SIX4: variants seen among roughly 807,000 people sequenced by gnomAD.
SIX4 encodes SIX homeobox 4, also known as homeobox protein SIX4.
A neutral mutation model predicts 51.5 loss-of-function variants in SIX4; 23 were observed. The ratio of observed to expected loss-of-function variants is 0.45; its 90% CI spans 0.32 to 0.63. The LOEUF (loss-of-function observed/expected upper bound fraction) is 0.63, where lower values mean the gene tolerates loss of function less well. Ranked by LOEUF, SIX4 falls within the 30% of genes least tolerant of loss-of-function variation. The probability of loss-of-function intolerance (pLI) is 0.04; values close to 1 mark genes in which losing one functional copy is unlikely to be tolerated. For synonymous variants in SIX4, 413 were observed against 417.3 expected, an observed-to-expected ratio of 0.99 and a Z score of 0.13; for missense variants, 867 against 984.0, an observed-to-expected ratio of 0.88 and a Z score of 1.59.
Position 60,724,091 on chromosome 14 carries a change from T to G in SIX4, c.-17A>C, listed in dbSNP as rs1555370398. 6.4e-7 allele frequency: 1 copy of G among 1,559,778 alleles called. No individual in the cohort carries two copies. Among genetic ancestry groups the G allele is most frequent in the Non-Finnish European group, 8.7e-7 (1 of 1,151,622 alleles). ...AGAGGACATTTTTTGTTGTTTATTT[T>G]CCTCCCTCCCTCACTCCCTCGCACT... On this transcript the variant is annotated 5_prime_UTR_variant, in exon 1 of 3. Coordinates refer to ENST00000216513, the MANE Select transcript of SIX4 (RefSeq NM_017420.5).
At position 60,714,175 on chromosome 14, in the gene SIX4, T is replaced by G; in HGVS notation, c.1578A>C (p.Ser526=). Residue 526 remains serine, a synonymous_variant, in exon 3 of 3, where the codon TCA becomes TCC. Coordinates refer to ENST00000216513, the MANE Select transcript of SIX4 (RefSeq NM_017420.5). The stretch of plus-strand genomic sequence containing the variant: ...ACTCACTTGTAAATGTGCTTCCATC[T>G]GAAGTGCTTGAGCTTACTGAGATAT... ...QGNISVSSST[S]DGSTFTSEST... The G allele has an allele frequency of 1.2e-6, 2 of 1,604,222 alleles. No individual in the cohort carries two copies. Among genetic ancestry groups the G allele is most frequent in the Non-Finnish European group, 1.7e-6 (2 of 1,177,964 alleles).
In SIX4 at chr14:60,722,901, C is replaced by T; in HGVS notation, c.863+311G>A. 2.8e-6 allele frequency: 1 copy of T among 356,478 alleles called. No homozygotes were observed. The highest frequency in any genetic ancestry group is 4.9e-6 in the Non-Finnish European group (1 of 203,632). The allele number at this position is 356,478 out of a possible 1,614,324, so 22.1% of individuals were successfully genotyped here. A position where few individuals can be genotyped will look rare whatever the true frequency, so the allele number is the denominator to read the frequency against. On this transcript the variant is annotated intron_variant, in intron 1 of 2. Transcript: ENST00000216513. This position sits in a 1 kb window ranked among gnomAD's most constrained non-coding sequence, Gnocchi z 5.9. ...GGGGAGAGGGTGGCAACTTCAAAGC[C>T]AGCGGGATGGGGGTGGGAAGCTGGG...
chr14:60,719,442 TGA>T lies in SIX4; in HGVS notation c.1549+316_1549+317del, dbSNP rs1361198681. On this transcript the variant is annotated intron_variant, in intron 2 of 2. Transcript: ENST00000216513. This position sits in a 1 kb window ranked among gnomAD's most constrained non-coding sequence, Gnocchi z 4.9. ...TTTTTAATATTAAAATGCCAAGCAG[TGA>T]GTTATTTTGTAAGCACTGATTGACT... is the stretch of plus-strand genomic sequence containing the variant. 1.3e-5 allele frequency among the ~76,000 whole-genome samples: 2 copies of T among 152,220 alleles called. No homozygotes were observed. The highest frequency in any genetic ancestry group is 2.9e-5 in the Non-Finnish European group (2 of 68,040).
At chr14:60,714,276 T>C (rs1895878625) in intron 2 of SIX4, 73 bp from the exon 3 acceptor site, 2 of 1,321,902 alleles carry the variant, frequency 1.5e-6, no homozygotes, top group Non-Finnish European at 2.0e-6. Context: ...CACACGTTTT[T>C]TTCTCAGGTA....
chr14:60,719,640 T>G lies in SIX4; in HGVS notation c.1549+120A>C. ...ATCACATCAAGGCTACTCTACAGCT[T>G]CGGCAGCTAATAAGGTACCTGAACA... On this transcript the variant is annotated intron_variant, in intron 2 of 2. Transcript: ENST00000216513. This position sits in a 1 kb window ranked among gnomAD's most constrained non-coding sequence, Gnocchi z 4.9. 5.1e-6 allele frequency: 5 copies of G among 982,492 alleles called. No homozygotes were observed. The South Asian group carries it at 8.3e-5, about 16-fold the overall frequency. 60.9% of individuals were successfully genotyped at this position (982,492 alleles called of 1,614,324 possible).
In SIX4 at chr14:60,717,756, A is replaced by G. The variant is rs1471064083; in HGVS notation, c.1549+2004T>C. Among the ~76,000 whole-genome samples the G allele has an allele frequency of 1.3e-5, 2 of 152,200 alleles. No homozygotes were observed. Among genetic ancestry groups the G allele is most frequent in the Admixed American group, 1.3e-4 (2 of 15,276 alleles). ...AAAATCAGGCCAGGCGCTGTGGCTC[A>G]TGCCTGTAATCCCAGCACTTTGGGA... On this transcript the variant is annotated intron_variant, in intron 2 of 2. Transcript: ENST00000216513. The surrounding 1 kb of genome is among the most constrained non-coding windows in gnomAD (Gnocchi z 4.6).
rs1259241156 is a variant in SIX4 at position 60,720,084 on chromosome 14, C to A, written c.1225G>T (p.Asp409Tyr). Residue 409 changes from aspartate (D) to tyrosine (Y), a missense_variant, in exon 2 of 3, where the codon GAC (aspartate) becomes TAC (tyrosine). Coordinates refer to ENST00000216513, the MANE Select transcript of SIX4 (RefSeq NM_017420.5). This position sits in a 1 kb window ranked among gnomAD's most constrained non-coding sequence, Gnocchi z 5.5. ...NIVSNGISMT[D>Y]ILGSTSQDVK... ...TCCTGGGAAGTAGACCCCAGTATGT[C>A]AGTCATGGATATACCATTGCTCACA... The A allele has an allele frequency of 6.2e-7, 1 of 1,614,198 alleles. No homozygotes were observed. Among genetic ancestry groups the A allele is most frequent in the Non-Finnish European group, 8.5e-7 (1 of 1,180,030 alleles).
Position 60,723,851 on chromosome 14 carries a change from G to A in SIX4, c.224C>T (p.Ala75Val), listed in dbSNP as rs779768619. 2 of 1,527,648 alleles carry A rather than the reference G, an allele frequency of 1.3e-6. No homozygotes were observed. Among genetic ancestry groups the A allele is most frequent in the Non-Finnish European group, 1.7e-6 (2 of 1,149,400 alleles). 94.6% of individuals were successfully genotyped at this position (1,527,648 alleles called of 1,614,324 possible). The part of the protein sequence containing the change: ...VSGEEGAVAA[A>V]AAGAAADQVQ... ...CTGATCCGCCGCCGCTCCGGCCGCC[G>A]CCGCCGCCACTGCCCCTTCCTCTCC... Residue 75 changes from alanine to valine, a missense_variant, in exon 1 of 3, where the codon GCG becomes GTG. Coordinates refer to ENST00000216513, the MANE Select transcript of SIX4 (RefSeq NM_017420.5).
intron 2 of SIX4, among the ~76,000 whole-genome samples, chr14:60,714,479 TTA>T (rs1378059235): frequency 2.0e-5 from 3 of 152,038 alleles, no homozygotes; most frequent in Non-Finnish European, 4.4e-5. Flanking sequence ...GAGACATCTT[TTA>T]TGTTTAACCC....
In SIX4 at chr14:60,722,666, C is replaced by T. The variant is rs929632378; in HGVS notation, c.863+546G>A. Among the ~76,000 whole-genome samples, 1 of 152,054 alleles carries T rather than the reference C, an allele frequency of 6.6e-6. No homozygotes were observed. The highest frequency in any genetic ancestry group is 1.5e-5 in the Non-Finnish European group (1 of 68,006). On this transcript the variant is annotated intron_variant, in intron 1 of 2. Coordinates refer to ENST00000216513, the MANE Select transcript of SIX4 (RefSeq NM_017420.5). The surrounding 1 kb of genome is among the most constrained non-coding windows in gnomAD (Gnocchi z 5.9). ...GCCGCCAGTCCCACAACACTCTCTT[C>T]CCTTCACCAGAGCAGCCACCGCGAC...
chr14:60,720,292 A>G lies in SIX4; in HGVS notation c.1017T>C (p.Ala339=), dbSNP rs868765715. 1 of 1,614,232 alleles carries G rather than the reference A, an allele frequency of 6.2e-7. No individual in the cohort carries two copies. The highest frequency in any genetic ancestry group is 1.6e-4 in the Middle Eastern group (1 of 6,062). The part of the protein sequence containing the change: ...EPVYMQQIGN[A]KISLSSSGVL... The stretch of plus-strand genomic sequence containing the variant: ...CTCCAGAAGAGCTTAATGATATCTT[A>G]GCATTTCCAATTTGTTGCATATATA... The change falls in exon 2 of 3, where the codon GCT becomes GCC. Residue 339 remains alanine, a synonymous_variant. Coordinates refer to ENST00000216513, the MANE Select transcript of SIX4 (RefSeq NM_017420.5). This position sits in a 1 kb window ranked among gnomAD's most constrained non-coding sequence, Gnocchi z 5.5.
In SIX4 at chr14:60,712,554, C is replaced by T. The variant is rs1895842595; in HGVS notation, c.*853G>A. 6.6e-6 allele frequency: 1 copy of T among 152,392 alleles called. No individual in the cohort carries two copies. The highest frequency in any genetic ancestry group is 1.5e-5 in the Non-Finnish European group (1 of 67,976). 9.4% of individuals were successfully genotyped at this position (152,392 alleles called of 1,614,324 possible). A position where few individuals can be genotyped will look rare whatever the true frequency, so the allele number is the denominator to read the frequency against. On this transcript the variant is annotated 3_prime_UTR_variant, in exon 3 of 3. Coordinates refer to ENST00000216513, the MANE Select transcript of SIX4 (RefSeq NM_017420.5). ...CCTGTTTCAGTGTTATTAATATTGA[C>T]CTTAATAGATTCCTGGTAAAAATCA...
intron 2 of SIX4, among the ~76,000 whole-genome samples, chr14:60,718,970 C>G (rs2140269786): frequency 6.6e-6 from 1 of 152,298 alleles, no homozygotes; most frequent in African/African-American, 2.4e-5. Context: ...AGGGATTATG[C>G]AAACTCCACT....
At position 60,723,263 on chromosome 14, in the gene SIX4, A is replaced by T. The variant is rs766427828; in HGVS notation, c.812T>A (p.Phe271Tyr). ...CCTGTCGCGCTGCCGGCGGTTCTTG[A>T]ACCAGTTGCTGACCTGGGTGAGGGA... The part of the protein sequence containing the change: ...GLSLTQVSNW[F>Y]KNRRQRDRNP... Residue 271 changes from phenylalanine to tyrosine, a missense_variant, in exon 1 of 3, where the codon TTC becomes TAC. Coordinates refer to ENST00000216513, the MANE Select transcript of SIX4 (RefSeq NM_017420.5). The T allele has an allele frequency of 3.1e-6, 5 of 1,611,334 alleles. No individual in the cohort carries two copies. The Admixed American group carries it at 8.4e-5, about 27-fold the overall frequency.
At chr14:60,714,438 A>G (rs1895881307) in intron 2 of SIX4, among the ~76,000 whole-genome samples, 1 of 152,102 alleles carries the variant, frequency 6.6e-6, no homozygotes. Flanking sequence ...TACCTCTCCA[A>G]GTAAATATAT....
rs759203712 is a variant in SIX4, at chr14:60,720,044, T to C, written c.1265A>G (p.Lys422Arg). 1.4e-5 allele frequency: 22 copies of C among 1,614,056 alleles called. No homozygotes were observed. Among genetic ancestry groups the C allele is most frequent in the East Asian group, 2.2e-5 (1 of 44,894 alleles). Residue 422 changes from lysine to arginine, a missense_variant, in exon 2 of 3, where the codon AAA (lysine) becomes AGA (arginine). Lys to Arg is a conservative substitution (Grantham distance 26, BLOSUM62 2). Coordinates refer to ENST00000216513, the MANE Select transcript of SIX4 (RefSeq NM_017420.5). This position sits in a 1 kb window ranked among gnomAD's most constrained non-coding sequence, Gnocchi z 5.5. ...GSTSQDVKEF[K>R]VLQSSANSAT... The stretch of plus-strand genomic sequence containing the variant: ...TGAGTTAGCAGAACTCTGGAGGACT[T>C]TGAATTCCTTCACGTCCTGGGAAGT...
chr14:60,719,968 C>A lies in SIX4; in HGVS notation c.1341G>T (p.Leu447=), dbSNP rs1226952778. ...SPSVPVSFPG[L]IPSTEVKREG... is the part of the protein sequence containing the mutation. ...CTCTTTTCACCTCAGTGCTGGGTAT[C>A]AGGCCTGGGAATGAGACAGGGACAC... The change falls in exon 2 of 3, where the codon CTG becomes CTT. Residue 447 remains leucine, a synonymous_variant. Coordinates refer to ENST00000216513, the MANE Select transcript of SIX4 (RefSeq NM_017420.5). This position sits in a 1 kb window ranked among gnomAD's most constrained non-coding sequence, Gnocchi z 4.9. 1 of 1,614,156 alleles carries A rather than the reference C, an allele frequency of 6.2e-7. No homozygotes were observed. The highest frequency in any genetic ancestry group is 8.5e-7 in the Non-Finnish European group (1 of 1,180,024).
At chr14:60,716,375 C>G (rs1399209528) in intron 2 of SIX4, among the ~76,000 whole-genome samples, 1 of 151,316 alleles carries the variant, frequency 6.6e-6, no homozygotes, top group Non-Finnish European at 1.5e-5. Flanking sequence ...GACTCAGCCT[C>G]CTGAGTAGCT....
At position 60,723,498 on chromosome 14, in the gene SIX4, C is replaced by A; in HGVS notation, c.577G>T (p.Glu193Ter). The change falls in exon 1 of 3, where the codon GAG becomes TAG. Residue 193 changes from glutamate to a stop codon, truncating the protein, a stop_gained. Transcript: ENST00000216513. LOFTEE classifies it high-confidence loss of function. ...QQLWYKARYT[E>*]AERARGRPLG... The stretch of plus-strand genomic sequence containing the variant: ...GGCCGGCCGCGGGCTCGCTCGGCCT[C>A]GGTGTAGCGCGCCTTGTACCAGAGC... The A allele has an allele frequency of 6.2e-7, 1 of 1,605,994 alleles. No individual in the cohort carries two copies. The highest frequency in any genetic ancestry group is 8.5e-7 in the Non-Finnish European group (1 of 1,179,392).
Sources: allele counts gnomAD v4.1 joint callset (sites outside exome capture counted in the v4.1 genomes callset), GRCh38; gene constraint gnomAD v4.1.1; non-coding constraint Gnocchi (gnomAD v3.1); transcripts MANE v1.5; gene names NCBI Gene and HGNC (gene_info 2026-07-23, HGNC 2026-07-21).